PPIG: variants seen among roughly 807,000 people sequenced by gnomAD.
The protein encoded by PPIG is peptidylprolyl isomerase G.
PPIG carries 26 observed loss-of-function variants against 87.9 expected under a neutral mutation model. That is an observed-to-expected ratio of 0.30 (90% confidence interval 0.22 to 0.41). The LOEUF is 0.41. Ranked by LOEUF, PPIG falls within the 10% of genes least tolerant of loss-of-function variation. The pLI is 1.00. For missense variants in PPIG, 722 were observed against 879.4 expected, an observed-to-expected ratio of 0.82 and a Z score of 2.26; for synonymous variants, 308 against 276.5, an observed-to-expected ratio of 1.11 and a Z score of -1.13.
rs1685566917 is a variant in PPIG, at chr2:169,614,672, G to A, written c.495G>A (p.Pro165=). 20 of 1,612,204 alleles carry A rather than the reference G, an allele frequency of 1.2e-5. No individual in the cohort carries two copies. Among genetic ancestry groups the A allele is most frequent in the Non-Finnish European group, 1.4e-5 (17 of 1,179,842 alleles). The change falls in exon 9 of 14, where the codon CCG becomes CCA. Residue 165 remains proline, a synonymous_variant. Coordinates refer to ENST00000260970, the MANE Select transcript of PPIG (RefSeq NM_004792.3). ...AGAAAACAGATGCAGCTAGCAAACC[G>A]TTTGCGGAGGTACGGATACTCAGTT... The part of the protein sequence containing the change: ...ENQKTDAASK[P]FAEVRILSCG...
In PPIG at chr2:169,614,526, TTTAAA is replaced by T. The variant is rs554997846; in HGVS notation, c.407+38_407+42del. On this transcript the variant is annotated intron_variant, in intron 8 of 13. Transcript: ENST00000260970. ...TTATTTTATTTATTTTACAACCTGT[TTTAAA>T]TTAACCTTGAAATAAAAAGCTTTTA... 3.9e-5 allele frequency: 61 copies of T among 1,559,612 alleles called. No individual in the cohort carries two copies. The African/African-American group carries it at 7.0e-4, about 18-fold the overall frequency.
intron 1 of PPIG, among the ~76,000 whole-genome samples, chr2:169,586,407 T>A (rs1684706758): frequency 1.3e-5 from 2 of 152,218 alleles, no homozygotes; most frequent in South Asian, 4.1e-4. Flanking sequence ...GACATTTTGA[T>A]CTCCACCTTC....
Position 169,636,594 on chromosome 2 carries a change from G to A in PPIG, c.1336G>A (p.Asp446Asn). 6.3e-7 allele frequency: 1 copy of A among 1,596,096 alleles called. No homozygotes were observed. The highest frequency in any genetic ancestry group is 8.5e-7 in the Non-Finnish European group (1 of 1,175,436). ...CATCAGAAGAAATTCAGAAAAAGAT[G>A]ACAAGTATAAAAACAAAGTGAAGAA... ...RDIRRNSEKD[D>N]KYKNKVKKRA... The change falls in exon 14 of 14, where the codon GAC becomes AAC. Residue 446 changes from aspartate to asparagine, a missense_variant. By Grantham distance (23) the Asp-to-Asn change is conservative (BLOSUM62 1). Transcript: ENST00000260970.
intron 9 of PPIG, among the ~76,000 whole-genome samples, chr2:169,625,728 A>T (rs1329942996): frequency 1.4e-5 from 2 of 146,922 alleles, no homozygotes; most frequent in African/African-American, 5.0e-5. Context: ...CCTTTAACCA[A>T]TTTTTTTTTT....
intron 9 of PPIG, among the ~76,000 whole-genome samples, chr2:169,617,978 T>A (rs918051165): frequency 1.3e-5 from 2 of 151,994 alleles, no homozygotes; most frequent in African/African-American, 4.8e-5. Context: ...CAGTATGTAT[T>A]AGCTGTGGGT....
At chr2:169,607,906 G>T (rs1401608664) in intron 6 of PPIG, among the ~76,000 whole-genome samples, 1 of 152,142 alleles carries the variant, frequency 6.6e-6, no homozygotes, top group East Asian at 1.9e-4. Context: ...GCCCGGGCTG[G>T]AATGCAGTGG....
At chr2:169,626,634 C>T (rs1306954587) in intron 9 of PPIG, among the ~76,000 whole-genome samples, 1 of 152,056 alleles carries the variant, frequency 6.6e-6, no homozygotes, top group African/African-American at 2.4e-5. Flanking sequence ...AGGTGTTCTG[C>T]CTGCTTTGGC....
At chr2:169,594,162 A>G (rs1684950092) in intron 1 of PPIG, among the ~76,000 whole-genome samples, 1 of 152,078 alleles carries the variant, frequency 6.6e-6, no homozygotes, top group Non-Finnish European at 1.5e-5. Flanking sequence ...TAGATTTCCA[A>G]CAGTTGAATT....
chr2:169,627,507 G>C (rs1197590785), intron 9 of PPIG, among the ~76,000 whole-genome samples: 1 of 152,090 alleles, frequency 6.6e-6, no homozygotes, highest in Non-Finnish European at 1.5e-5. Flanking sequence ...AAGTGGGCTT[G>C]CTGTTGTGTG....
At position 169,636,208 on chromosome 2, in the gene PPIG, A is replaced by G. The variant is rs747306435; in HGVS notation, c.1134A>G (p.Glu378=). 8 of 1,606,744 alleles carry G rather than the reference A, an allele frequency of 5.0e-6. No homozygotes were observed. Among genetic ancestry groups the G allele is most frequent in the Non-Finnish European group, 6.8e-6 (8 of 1,178,138 alleles). Residue 378 remains glutamate, a synonymous_variant, in exon 13 of 14, where the codon GAA becomes GAG. Transcript: ENST00000260970. ...AAAGAATGAGGGTATCAAGTGGTGA[A>G]AGATGGATCAAGGGGGATAAGTAAG... ...RAQRMRVSSG[E]RWIKGDKSEL...
chr2:169,637,374 T>C lies in PPIG; in HGVS notation c.2116T>C (p.Leu706=). 1.9e-6 allele frequency: 3 copies of C among 1,612,132 alleles called. No individual in the cohort carries two copies. Among genetic ancestry groups the C allele is most frequent in the East Asian group, 2.2e-5 (1 of 44,856 alleles). The change falls in exon 14 of 14, where the codon TTG becomes CTG. Residue 706 remains leucine, a synonymous_variant. Coordinates refer to ENST00000260970, the MANE Select transcript of PPIG (RefSeq NM_004792.3). ...SQDNELKSSM[L]KNKEDEKIRS... is the part of the protein sequence containing the mutation. ...GGACAATGAATTAAAGTCCTCCATG[T>C]TGAAAAATAAGGAGGATGAGAAGAT...
intron 7 of PPIG, 85 bp from the exon 8 acceptor site, chr2:169,614,378 CA>C: frequency 2.5e-6 from 3 of 1,213,716 alleles, no homozygotes; most frequent in Non-Finnish European, 3.5e-6. Flanking sequence ...GTTTCCAATA[CA>C]GTTATTTTCT....
At chr2:169,617,277 T>A (rs778012026) in intron 9 of PPIG, among the ~76,000 whole-genome samples, 38 of 152,200 alleles carry the variant, frequency 2.5e-4, no homozygotes, top group Non-Finnish European at 4.9e-4. Context: ...GCAGTATAGT[T>A]TGAAGTCAGG....
chr2:169,623,057 A>C (rs1685799343), intron 9 of PPIG, among the ~76,000 whole-genome samples: 1 of 152,032 alleles, frequency 6.6e-6, no homozygotes, highest in Admixed American at 6.6e-5. Context: ...CTCTCTTTGC[A>C]ATTTTGAGAT....
chr2:169,590,543 G>C (rs1347031412), intron 1 of PPIG, among the ~76,000 whole-genome samples: 2 of 152,060 alleles, frequency 1.3e-5, no homozygotes, highest in Non-Finnish European at 2.9e-5. Context: ...TCGGGAGGCT[G>C]AGGCAGAAGA....
intron 1 of PPIG, among the ~76,000 whole-genome samples, chr2:169,588,699 C>T (rs372096080): frequency 2.6e-5 from 4 of 152,022 alleles, no homozygotes; most frequent in African/African-American, 9.7e-5. Flanking sequence ...CAGTGGCTCA[C>T]GCCTGTAATC....
intron 12 of PPIG, among the ~76,000 whole-genome samples, chr2:169,634,335 T>TA (rs1198964773): frequency 6.6e-6 from 1 of 152,154 alleles, no homozygotes; most frequent in Non-Finnish European, 1.5e-5. Context: ...GTCCTAGAAT[T>TA]ACAGGCGTGA....
intron 1 of PPIG, among the ~76,000 whole-genome samples, chr2:169,591,899 A>G (rs1170619941): frequency 7.0e-6 from 1 of 142,790 alleles, no homozygotes; most frequent in Non-Finnish European, 1.5e-5. Flanking sequence ...ATTATATTCT[A>G]GTATTTTTAG....
chr2:169,600,660 A>G (rs1685154740), intron 1 of PPIG, among the ~76,000 whole-genome samples: 1 of 152,142 alleles, frequency 6.6e-6, no homozygotes, highest in Non-Finnish European at 1.5e-5. Flanking sequence ...AATGTCATTG[A>G]AAAACAAAAA....
Sources: gnomAD v4.1 joint callset for allele counts (sites outside exome capture counted in the v4.1 genomes callset) on GRCh38, gnomAD v4.1.1 for gene constraint, MANE v1.5 for transcripts, NCBI Gene and HGNC (gene_info 2026-07-23, HGNC 2026-07-21) for gene names.